EFCAB12: variants seen among roughly 807,000 people sequenced by gnomAD.
EFCAB12 encodes EF-hand calcium binding domain 12.
In EFCAB12, 43 loss-of-function variants were observed where a neutral mutation model predicts 53.6. That is an observed-to-expected ratio of 0.80 (90% CI 0.63 to 1.03). The LOEUF (loss-of-function observed/expected upper bound fraction) is 1.03. EFCAB12 is among the 50% of genes least tolerant of loss of function. The pLI, the probability that EFCAB12 is intolerant of heterozygous loss-of-function variation, is 0.00. For missense variants in EFCAB12, 646 were observed against 730.6 expected, an observed-to-expected ratio of 0.88 and a Z score of 1.34; for synonymous variants, 269 against 289.2, an observed-to-expected ratio of 0.93 and a Z score of 0.71.
In EFCAB12 at chr3:129,401,501, T is replaced by G. The variant is rs1443925959; in HGVS notation, c.*92A>C. 7.3e-5 allele frequency: 104 copies of G among 1,432,968 alleles called. No individual in the cohort carries two copies. The highest frequency in any genetic ancestry group is 7.4e-6 in the Non-Finnish European group (8 of 1,083,032). 88.8% of individuals were successfully genotyped at this position (1,432,968 alleles called of 1,614,324 possible). ...TTTGAAAGGATTTCTTTAGTTTGAC[T>G]CTTTGACACTCCTCTTGTGTCTGGG... On this transcript the variant is annotated 3_prime_UTR_variant, in exon 9 of 9. Coordinates refer to ENST00000505956, the MANE Select transcript of EFCAB12 (RefSeq NM_207307.3).
At position 129,411,331 on chromosome 3, in the gene EFCAB12, C is replaced by T; in HGVS notation, c.862G>A (p.Asp288Asn). ...REHYILAKHR[D>N]SLKGPLKKQE... ...TTCTTGAGCGGACCCTTCAGGGAAT[C>T]TCTGTGCTTGGCCAAGATATAATCT... Residue 288 changes from aspartate to asparagine, a missense_variant, in exon 5 of 9, where the codon GAT becomes AAT. Coordinates refer to ENST00000505956, the MANE Select transcript of EFCAB12 (RefSeq NM_207307.3). 3 of 1,592,220 alleles carry T rather than the reference C, an allele frequency of 1.9e-6. No homozygotes were observed. The highest frequency in any genetic ancestry group is 2.6e-6 in the Non-Finnish European group (3 of 1,166,512).
chr3:129,408,083 C>T (rs2071976953), intron 6 of EFCAB12, among the ~76,000 whole-genome samples: 1 of 152,140 alleles, frequency 6.6e-6, no homozygotes, highest in Non-Finnish European at 1.5e-5. Flanking sequence ...GTGTTTTCCA[C>T]CCAAGCAGAG....
Position 129,404,416 on chromosome 3 carries a change from A to G in EFCAB12, c.1250-13T>C. 6.2e-7 allele frequency: 1 copy of G among 1,611,066 alleles called. No individual in the cohort carries two copies. Among genetic ancestry groups the G allele is most frequent in the Non-Finnish European group, 8.5e-7 (1 of 1,178,438 alleles). On this transcript the variant is annotated splice_polypyrimidine_tract_variant and intron_variant, in intron 6 of 8. Transcript: ENST00000505956. ...GGGTACAGCAAGGCTGTGGACAGCA[A>G]GAGAAACATCTGCACCCATCAACCC...
chr3:129,408,789 C>T lies in EFCAB12; in HGVS notation c.1105G>A (p.Glu369Lys), dbSNP rs1327154424. Residue 369 changes from glutamate to lysine, a missense_variant, in exon 6 of 9, where the codon GAG (glutamate) becomes AAG (lysine). Coordinates refer to ENST00000505956, the MANE Select transcript of EFCAB12 (RefSeq NM_207307.3). The stretch of plus-strand genomic sequence containing the variant: ...TGGATGGTGGACGGGAGGCAGTGCT[C>T]ATCAAAGTGCCGATTCCCACAGCGC... ...LVRCGNRHFD[E>K]HCLPSTIHGD... The T allele has an allele frequency of 1.9e-6, 3 of 1,577,956 alleles. No homozygotes were observed. In the Admixed American group the frequency reaches 5.5e-5, roughly 29 times the overall value.
chr3:129,421,367 C>A lies in EFCAB12; in HGVS notation c.486G>T (p.Arg162Ser). The part of the protein sequence containing the change: ...NASQATTRTT[R>S]KKAPRLSRLS... ...TCATCTGGCAAATGGGGCTGCTCAC[C>A]CTGGTGGTCCTGGTAGTTGCCTGGG... Residue 162 changes from arginine to serine, a missense_variant and splice_region_variant, in exon 2 of 9, where the codon AGG (arginine) becomes AGT (serine). Coordinates refer to ENST00000505956, the MANE Select transcript of EFCAB12 (RefSeq NM_207307.3). 2 of 1,602,116 alleles carry A rather than the reference C, an allele frequency of 1.2e-6. No individual in the cohort carries two copies. The highest frequency in any genetic ancestry group is 1.7e-6 in the Non-Finnish European group (2 of 1,171,620).
chr3:129,424,349 T>C (rs753555342), intron 1 of EFCAB12, among the ~76,000 whole-genome samples: 8 of 152,168 alleles, frequency 5.3e-5, no homozygotes, highest in Non-Finnish European at 8.8e-5. Context: ...TGGGAGGTGA[T>C]TGGATCATGG....
chr3:129,419,752 A>C (rs1472061312), intron 2 of EFCAB12, among the ~76,000 whole-genome samples: 1 of 152,214 alleles, frequency 6.6e-6, no homozygotes, highest in African/African-American at 2.4e-5. Flanking sequence ...GTGAGCCAAA[A>C]AAAACTCTCT....
chr3:129,402,218 G>A (rs927847443), intron 8 of EFCAB12, among the ~76,000 whole-genome samples: 1 of 152,210 alleles, frequency 6.6e-6, no homozygotes, highest in Non-Finnish European at 1.5e-5. Context: ...GATCCCCACT[G>A]CATCACTTCG....
chr3:129,421,592 G>C lies in EFCAB12; in HGVS notation c.261C>G (p.Phe87Leu), dbSNP rs1306253112. Residue 87 changes from phenylalanine to leucine, a missense_variant, in exon 2 of 9, where the codon TTC becomes TTG. Phe to Leu is a conservative substitution (Grantham distance 22). Transcript: ENST00000505956. Reference sequence around the variant, plus strand: ...GGATATCTCTAGCTTCCAGAACTTTGAAGCTGGGGATGGGCTTTGGGGGAG... The same window carrying C: ...GGATATCTCTAGCTTCCAGAACTTTCAAGCTGGGGATGGGCTTTGGGGGAG... ...PQAPPKPIPS[F>L]KVLEARDIQE... 2.5e-6 allele frequency: 4 copies of C among 1,613,862 alleles called. No homozygotes were observed. The highest frequency in any genetic ancestry group is 1.1e-5 in the South Asian group (1 of 91,090).
rs2071918856 is a variant in EFCAB12, at chr3:129,404,372, GA to G, written c.1280del (p.Phe427SerfsTer63). The G allele has an allele frequency of 1.2e-6, 2 of 1,613,746 alleles. No individual in the cohort carries two copies. Among genetic ancestry groups the G allele is most frequent in the Middle Eastern group, 1.7e-4 (1 of 6,060 alleles). On this transcript the variant is annotated frameshift_variant, in exon 7 of 9. Transcript: ENST00000505956. LOFTEE classifies it high-confidence loss of function. The stretch of plus-strand genomic sequence containing the variant: ...GGATGGGGCACACTTTGTCCATCTG[GA>G]AAATGATCTTGTCTCCTGGGTACAG... ...ALLYPGDKIIFQMDKVCPIRQ... is the reference protein window; with the variant it reads ...ALLYPGDKIIXQMDKVCPIRQ...
chr3:129,415,268 C>A lies in EFCAB12; in HGVS notation c.815G>T (p.Ser272Ile). The change falls in exon 4 of 9, where the codon AGC (serine) becomes ATC (isoleucine). Residue 272 changes from serine (S) to isoleucine (I), a missense_variant. By Grantham distance (142) the Ser-to-Ile change is moderately radical. Coordinates refer to ENST00000505956, the MANE Select transcript of EFCAB12 (RefSeq NM_207307.3). ...YKQWSMAQQRSSLATAREHYI... is the reference protein window; with the variant it reads ...YKQWSMAQQRISLATAREHYI... ...ACGCTCCCTTGCAGTGGCCAGGCTG[C>A]TCCTTTGCTGAGCCATAGACCACTG... is the stretch of plus-strand genomic sequence containing the variant. 1 of 1,610,474 alleles carries A rather than the reference C, an allele frequency of 6.2e-7. No individual in the cohort carries two copies. The highest frequency in any genetic ancestry group is 1.1e-5 in the South Asian group (1 of 90,564).
chr3:129,404,487 T>G (rs1217890542), intron 6 of EFCAB12, 84 bp from the exon 7 acceptor site: 2 of 1,333,744 alleles, frequency 1.5e-6, no homozygotes, highest in Admixed American at 2.5e-5. Flanking sequence ...AGGAGGTGTT[T>G]TTTTTTTTTT....
At chr3:129,402,413 G>T in intron 8 of EFCAB12, 110 bp downstream of exon 8, 1 of 1,239,136 alleles carries the variant, frequency 8.1e-7, no homozygotes, top group East Asian at 2.5e-5. Context: ...CTCAGGCCAG[G>T]GCACCGAGCC....
Position 129,401,786 on chromosome 3 carries a change from T to C in EFCAB12, c.1526A>G (p.His509Arg), listed in dbSNP as rs2071874876. The change falls in exon 9 of 9, where the codon CAT becomes CGT. Residue 509 changes from histidine (H) to arginine (R), a missense_variant. His to Arg is a conservative substitution (Grantham distance 29). Coordinates refer to ENST00000505956, the MANE Select transcript of EFCAB12 (RefSeq NM_207307.3). ...GTAGAGCTGCAGCTTATCCAGAAGA[T>C]GACCCGGCCAGAAGGAATTGGGGTG... Reference protein sequence around the residue: ...QTHPNSFWPGHLLDKLQLYLP... With the variant: ...QTHPNSFWPGRLLDKLQLYLP... 3 of 1,612,646 alleles carry C rather than the reference T, an allele frequency of 1.9e-6. No homozygotes were observed. Among genetic ancestry groups the C allele is most frequent in the African/African-American group, 1.3e-5 (1 of 75,030 alleles).
At chr3:129,424,819 G>A (rs66855313) in intron 1 of EFCAB12, among the ~76,000 whole-genome samples, 19,871 of 152,192 alleles carry the variant, frequency 0.13, 1,672 homozygotes, top group South Asian at 0.24. Context: ...GGCACCTACC[G>A]TGGTTCACCT....
At chr3:129,402,434 T>G in intron 8 of EFCAB12, 89 bp downstream of exon 8, 1 of 1,412,078 alleles carries the variant, frequency 7.1e-7, no homozygotes, top group South Asian at 1.2e-5. Flanking sequence ...CCAGCTGTTG[T>G]GCCAGGAGTG....
intron 4 of EFCAB12, 157 bp from the exon 5 acceptor site, chr3:129,411,511 C>T: frequency 1.5e-6 from 1 of 660,120 alleles, no homozygotes; most frequent in Non-Finnish European, 2.4e-6. Context: ...GCCACCTAAG[C>T]TGTACCTTAG....
At chr3:129,421,971 G>A (rs772517743) in intron 1 of EFCAB12, among the ~76,000 whole-genome samples, 168 bp from the exon 2 acceptor site, 1 of 152,146 alleles carries the variant, frequency 6.6e-6, no homozygotes, top group Non-Finnish European at 1.5e-5. Context: ...TAATGTTACC[G>A]GGTGCTCCCA....
rs544104489 is a variant in EFCAB12 at position 129,411,160 on chromosome 3, T to A, written c.1033A>T (p.Lys345Ter). ...CTCTCCTTGGGCTGGCGAGGTACCT[T>A]GTGCTGTCGCTGCCGCTCGCGGTAC... ...KRYRERQRQH[K>*]LTIPSIQYTE... Residue 345 changes from lysine to a stop codon, truncating the protein, a stop_gained and splice_region_variant, in exon 5 of 9, where the codon AAG becomes TAG. Coordinates refer to ENST00000505956, the MANE Select transcript of EFCAB12 (RefSeq NM_207307.3). LOFTEE classifies it high-confidence loss of function. The A allele has an allele frequency of 1.3e-6, 2 of 1,575,002 alleles. No homozygotes were observed. The highest frequency in any genetic ancestry group is 4.7e-5 in the East Asian group (2 of 42,750).
Sources: allele counts gnomAD v4.1 joint callset (sites outside exome capture counted in the v4.1 genomes callset), GRCh38; gene constraint gnomAD v4.1.1; transcripts MANE v1.5; gene names NCBI Gene and HGNC (gene_info 2026-07-23, HGNC 2026-07-21).